Variants in ACER3 observed in about 807,000 individuals in gnomAD.
The protein encoded by ACER3 is alkaline ceramidase 3.
A neutral mutation model predicts 48.9 loss-of-function variants in ACER3; 16 were observed. That is an observed-to-expected ratio of 0.33 (90% CI 0.22 to 0.50). The LOEUF is 0.50. Among genes scored for constraint, ACER3 ranks in the 20% least tolerant of loss-of-function variants. The probability of loss-of-function intolerance (pLI) is 0.98; values close to 1 mark genes in which losing one functional copy is unlikely to be tolerated. For synonymous variants in ACER3, 109 were observed against 107.8 expected (o/e 1.01, Z -0.07); for missense variants, 227 against 326.0 (o/e 0.70, Z 2.34).
chr11:76,889,519 C>T (rs1294204634), intron 1 of ACER3, among the ~76,000 whole-genome samples: 2 of 152,102 alleles, frequency 1.3e-5, no homozygotes, highest in Non-Finnish European at 2.9e-5. Flanking sequence ...CATATAAGTG[C>T]ATCAGATGAT....
intron 7 of ACER3, among the ~76,000 whole-genome samples, chr11:77,005,989 A>T (rs1384735195): frequency 0.013 from 1,202 of 93,750 alleles, 26 homozygotes; most frequent in African/African-American, 0.049. Context: ...ATATATATAT[A>T]TATTTTTTTT....
At chr11:77,019,930 G>A (rs1949444086) in intron 10 of ACER3, among the ~76,000 whole-genome samples, 154 bp downstream of exon 10, 1 of 152,168 alleles carries the variant, frequency 6.6e-6, no homozygotes, top group Non-Finnish European at 1.5e-5. Context: ...ACTACTGCAT[G>A]TTCTTGGACA....
At chr11:76,979,076 G>C (rs555792586) in intron 4 of ACER3, among the ~76,000 whole-genome samples, 1 of 152,322 alleles carries the variant, frequency 6.6e-6, no homozygotes, top group Admixed American at 6.5e-5. Context: ...CTGCCAGGCC[G>C]AGTGGGCAGA....
At chr11:76,966,762 G>A (rs1948148777) in intron 3 of ACER3, among the ~76,000 whole-genome samples, 1 of 148,934 alleles carries the variant, frequency 6.7e-6, no homozygotes. Flanking sequence ...AAACCAACGA[G>A]AACAAAGACA....
intron 5 of ACER3, among the ~76,000 whole-genome samples, chr11:76,987,588 T>C (rs1223911921): frequency 6.6e-6 from 1 of 152,110 alleles, no homozygotes; most frequent in Non-Finnish European, 1.5e-5. Flanking sequence ...TGTCAGGGTA[T>C]AGATAGTACA....
At chr11:76,991,823 A>AG (rs1948809725) in intron 6 of ACER3, among the ~76,000 whole-genome samples, 1 of 151,434 alleles carries the variant, frequency 6.6e-6, no homozygotes, top group African/African-American at 2.4e-5. Flanking sequence ...CTCAAAAAAA[A>AG]AAAAAAAAAG....
chr11:76,942,721 C>T (rs1447681326), intron 2 of ACER3, among the ~76,000 whole-genome samples: 1 of 151,850 alleles, frequency 6.6e-6, no homozygotes, highest in African/African-American at 2.4e-5. Context: ...AGAATTCCCT[C>T]CTCTTTGATT....
intron 2 of ACER3, among the ~76,000 whole-genome samples, chr11:76,949,933 A>C (rs1947595130): frequency 6.6e-6 from 1 of 152,164 alleles, no homozygotes; most frequent in Non-Finnish European, 1.5e-5. Flanking sequence ...CCAACAGTTT[A>C]GCTATATCAA....
chr11:76,904,513 C>T (rs1230202801), intron 1 of ACER3, among the ~76,000 whole-genome samples: 1 of 152,068 alleles, frequency 6.6e-6, no homozygotes, highest in South Asian at 2.1e-4. Context: ...CCTCTGTCTC[C>T]CTAAATTGTA....
chr11:77,005,987 A>T lies in ACER3; in HGVS notation c.497+7166A>T, dbSNP rs112101326. Among the ~76,000 whole-genome samples the T allele has an allele frequency of 7.5e-3, 685 of 91,086 alleles. 8 individuals carry two copies. The highest frequency in any genetic ancestry group is 0.029 in the African/African-American group (643 of 22,090). The allele number at this position is 91,086 out of a possible 152,430, so 59.8% of individuals were successfully genotyped here. On this transcript the variant is annotated intron_variant, in intron 7 of 10. Transcript: ENST00000532485. ...TATATATATACATATATATATATAT[A>T]TATATTTTTTTTTTTTTTTGAGCCA...
chr11:76,979,791 A>C (rs778608863), intron 4 of ACER3, among the ~76,000 whole-genome samples: 1 of 152,072 alleles, frequency 6.6e-6, no homozygotes, highest in African/African-American at 2.4e-5. Context: ...AAGCTGCCAC[A>C]GATAATATGT....
chr11:76,982,915 T>C (rs553471424), intron 4 of ACER3, among the ~76,000 whole-genome samples: 19 of 152,394 alleles, frequency 1.2e-4, no homozygotes, highest in Non-Finnish European at 2.4e-4. Context: ...CATTAAATTA[T>C]CTTGACTTTT....
chr11:76,890,490 T>C (rs1364907745), intron 1 of ACER3, among the ~76,000 whole-genome samples: 1 of 152,210 alleles, frequency 6.6e-6, no homozygotes, highest in East Asian at 1.9e-4. Flanking sequence ...TAAAGTCATT[T>C]TAATGAAATG....
At position 76,991,597 on chromosome 11, in the gene ACER3, C is replaced by G. The variant is rs181838308; in HGVS notation, c.438+1023C>G. ...TTGGGAGGCCGAGGCGGGTGGATCA[C>G]TTGAGGTCAGGTGTTCGAGATCAGC... On this transcript the variant is annotated intron_variant, in intron 6 of 10. Coordinates refer to ENST00000532485, the MANE Select transcript of ACER3 (RefSeq NM_018367.7). 2.0e-3 allele frequency among the ~76,000 whole-genome samples: 310 copies of G among 152,004 alleles called. 1 individual carries two copies. The highest frequency in any genetic ancestry group is 7.3e-3 in the African/African-American group (304 of 41,486).
intron 2 of ACER3, among the ~76,000 whole-genome samples, chr11:76,931,873 T>A (rs544904640): frequency 2.9e-4 from 44 of 152,222 alleles, no homozygotes; most frequent in East Asian, 1.4e-3. Flanking sequence ...GGGTAACCCA[T>A]CCTTTCTCTC....
At chr11:76,963,442 A>G (rs1948052748) in intron 3 of ACER3, among the ~76,000 whole-genome samples, 1 of 148,304 alleles carries the variant, frequency 6.7e-6, no homozygotes, top group Admixed American at 6.8e-5. Flanking sequence ...ACACTCCTTA[A>G]TTTTCTTGAG....
chr11:76,934,779 G>A (rs1947130406), intron 2 of ACER3, among the ~76,000 whole-genome samples: 1 of 150,760 alleles, frequency 6.6e-6, no homozygotes, highest in Admixed American at 6.6e-5. Context: ...GAAGGAGAGG[G>A]ATTGAATTAG....
intron 7 of ACER3, among the ~76,000 whole-genome samples, chr11:77,013,287 G>C (rs1591069086): frequency 6.6e-6 from 1 of 152,158 alleles, no homozygotes; most frequent in East Asian, 1.9e-4. Context: ...TTCAAACTTT[G>C]TTCTTCAAAA....
chr11:76,941,012 AACACACACAC>A (rs370121849), intron 2 of ACER3, among the ~76,000 whole-genome samples: 6 of 146,200 alleles, frequency 4.1e-5, no homozygotes, highest in Admixed American at 1.4e-4. Flanking sequence ...TGTGTGTATA[AACACACACAC>A]ACACACACAC....
Sources: gnomAD v4.1 joint callset for allele counts (sites outside exome capture counted in the v4.1 genomes callset) on GRCh38, gnomAD v4.1.1 for gene constraint, MANE v1.5 for transcripts, NCBI Gene and HGNC (gene_info 2026-07-23, HGNC 2026-07-21) for gene names.